HTR2C: variants seen among roughly 807,000 people sequenced by gnomAD.
The protein encoded by HTR2C is 5-hydroxytryptamine (serotonin) receptor 2C, G protein-coupled.
Under a neutral mutation model 21.0 loss-of-function variants are expected in HTR2C, and 5 were observed. The observed-to-expected ratio is 0.24, with a 90% CI of 0.12 to 0.50. The LOEUF (loss-of-function observed/expected upper bound fraction) is 0.50, where lower values mean the gene tolerates loss of function less well. Among genes scored for constraint, HTR2C ranks in the 20% least tolerant of loss-of-function variants. The pLI, the probability that HTR2C is intolerant of heterozygous loss-of-function variation, is 0.98. For missense variants in HTR2C, 271 were observed against 371.2 expected (o/e 0.73, Z 2.22); for synonymous variants, 150 against 145.3 (o/e 1.03, Z -0.23).
chrX:114,759,691 A>G (rs2069847094), intron 4 of HTR2C, among the ~76,000 whole-genome samples: 2 of 110,819 alleles, frequency 1.8e-5, no homozygotes, highest in Admixed American at 9.7e-5. Context: ...CAACTCCTTG[A>G]GTTGTTTTTT....
chrX:114,745,091 C>T (rs188896486), intron 4 of HTR2C, among the ~76,000 whole-genome samples: 248 of 111,431 alleles, frequency 2.2e-3, no homozygotes, highest in Admixed American at 4.2e-3. Flanking sequence ...CATTAATAGC[C>T]AGAATATATA....
At chrX:114,775,888 G>A (rs1602771213) in intron 4 of HTR2C, 1 of 374,720 alleles carries the variant, frequency 2.7e-6, no homozygotes, top group Admixed American at 4.1e-5. Flanking sequence ...ATTGGGCACA[G>A]GCAATGGATG....
chrX:114,600,727 A>C, intron 1 of HTR2C, among the ~76,000 whole-genome samples: 1 of 111,636 alleles, frequency 9.0e-6, no homozygotes, highest in Middle Eastern at 5.2e-3. Flanking sequence ...TTTGTAGCAT[A>C]ATAAGTGATT....
At chrX:114,685,285 T>C (rs1931875136) in intron 2 of HTR2C, among the ~76,000 whole-genome samples, 1 of 112,017 alleles carries the variant, frequency 8.9e-6, no homozygotes, top group African/African-American at 3.2e-5. Flanking sequence ...TTAAATCTTC[T>C]CATTCCACAA....
At chrX:114,859,248 G>A (rs1480527326) in intron 5 of HTR2C, among the ~76,000 whole-genome samples, 1 of 110,490 alleles carries the variant, frequency 9.1e-6, no homozygotes, top group Non-Finnish European at 1.9e-5. Flanking sequence ...ATTTTAAAAT[G>A]TTTGGAAGAA....
intron 4 of HTR2C, among the ~76,000 whole-genome samples, chrX:114,739,000 T>C (rs1044950708): frequency 9.0e-6 from 1 of 110,575 alleles, no homozygotes; most frequent in Admixed American, 9.7e-5. Flanking sequence ...TAATACATTA[T>C]TATATTTATA....
chrX:114,709,087 G>A (rs888049918), intron 2 of HTR2C, among the ~76,000 whole-genome samples: 24 of 111,779 alleles, frequency 2.1e-4, no homozygotes, highest in Middle Eastern at 4.3e-3. Flanking sequence ...ACCCATAAAT[G>A]TATTCTTCCA....
chrX:114,772,181 T>G (rs1225549112), intron 4 of HTR2C, among the ~76,000 whole-genome samples: 1 of 112,432 alleles, frequency 8.9e-6, no homozygotes, highest in African/African-American at 3.2e-5. Flanking sequence ...TTATAGCTTT[T>G]GTGAGAGAAA....
intron 1 of HTR2C, among the ~76,000 whole-genome samples, chrX:114,609,620 T>G (rs911383506): frequency 8.9e-6 from 1 of 111,870 alleles, no homozygotes; most frequent in East Asian, 2.8e-4. Flanking sequence ...TAGACAAAGA[T>G]TGAAGTTTTA....
intron 4 of HTR2C, among the ~76,000 whole-genome samples, chrX:114,784,376 C>T (rs980753372): frequency 9.0e-6 from 1 of 111,437 alleles, no homozygotes; most frequent in Admixed American, 9.5e-5. Flanking sequence ...GCAGTCGTAG[C>T]TTGTGAGGTC....
chrX:114,681,675 T>G (rs1569483622), intron 2 of HTR2C, among the ~76,000 whole-genome samples: 1 of 111,816 alleles, frequency 8.9e-6, no homozygotes, highest in Non-Finnish European at 1.9e-5. Context: ...AACACTCTTT[T>G]GCAAAATGTC....
chrX:114,587,915 A>G (rs1452983651), intron 1 of HTR2C, among the ~76,000 whole-genome samples: 2 of 112,535 alleles, frequency 1.8e-5, no homozygotes, highest in East Asian at 5.6e-4. Flanking sequence ...GCTCACCTGC[A>G]ACAACTCTTT....
intron 4 of HTR2C, among the ~76,000 whole-genome samples, chrX:114,781,873 T>C (rs2070122455): frequency 9.5e-6 from 1 of 105,701 alleles, no homozygotes; most frequent in Non-Finnish European, 1.9e-5. Context: ...TGGGATTGAA[T>C]AGGAACAGAG....
At chrX:114,633,853 T>C (rs1556404752) in intron 2 of HTR2C, among the ~76,000 whole-genome samples, 1 of 108,122 alleles carries the variant, frequency 9.2e-6, no homozygotes, top group Non-Finnish European at 1.9e-5. Context: ...TCTAAGCAGA[T>C]AAAACTATTG....
At chrX:114,587,184 T>C (rs182515895) in intron 1 of HTR2C, among the ~76,000 whole-genome samples, 6 of 111,671 alleles carry the variant, frequency 5.4e-5, no homozygotes, top group African/African-American at 1.3e-4. Flanking sequence ...CCTCAGCTAT[T>C]CTTATTAAAT....
Position 114,836,732 on chromosome X carries a change from C to G in HTR2C, c.350-11271C>G, listed in dbSNP as rs192945918. Among the ~76,000 whole-genome samples the G allele has an allele frequency of 3.9e-3, 434 of 112,210 alleles. 1 individual carries two copies. The highest frequency in any genetic ancestry group is 9.3e-3 in the Middle Eastern group (2 of 216). ...TATTCGGCCATCTTGGCTCCTCCCC[C>G]TCGGTAACTTTTTAAAACATGTCAT... On this transcript the variant is annotated intron_variant, in intron 4 of 5. Coordinates refer to ENST00000276198, the MANE Select transcript of HTR2C (RefSeq NM_000868.4).
chrX:114,622,508 T>TC (rs1929205501), intron 2 of HTR2C, among the ~76,000 whole-genome samples: 1 of 111,678 alleles, frequency 9.0e-6, no homozygotes, highest in African/African-American at 3.3e-5. Flanking sequence ...CTCACCCATT[T>TC]CCCCACAGGA....
chrX:114,884,172 T>C (rs1556480575), intron 5 of HTR2C, among the ~76,000 whole-genome samples: 3 of 111,199 alleles, frequency 2.7e-5, no homozygotes, highest in Non-Finnish European at 1.9e-5. Flanking sequence ...TATTCATTTA[T>C]TCACTGATGA....
chrX:114,633,184 G>T lies in HTR2C; in HGVS notation c.-80+19303G>T, dbSNP rs782612729. On this transcript the variant is annotated intron_variant, in intron 2 of 5. Coordinates refer to ENST00000276198, the MANE Select transcript of HTR2C (RefSeq NM_000868.4). ...GGAAGCATGCTATTTTGTTTCCCTTGTAATTATTTTTGCTTCTTTTTCCTG... is the reference window on the plus strand; with the variant it reads ...GGAAGCATGCTATTTTGTTTCCCTTTTAATTATTTTTGCTTCTTTTTCCTG... Among the ~76,000 whole-genome samples the T allele has an allele frequency of 4.5e-5, 5 of 111,369 alleles. No individual in the cohort carries two copies. The East Asian group carries it at 1.4e-3, about 31-fold the overall frequency.
Sources: gnomAD v4.1 joint callset for allele counts (sites outside exome capture counted in the v4.1 genomes callset) on GRCh38, gnomAD v4.1.1 for gene constraint, MANE v1.5 for transcripts, NCBI Gene and HGNC (gene_info 2026-07-23, HGNC 2026-07-21) for gene names.